Variants in LIMK2 observed in about 807,000 individuals in gnomAD.
LIMK2 encodes the protein LIM domain kinase 2.
Under a neutral mutation model 75.7 loss-of-function variants are expected in LIMK2, and 35 were observed. The observed-to-expected ratio is 0.46, with a 90% CI of 0.35 to 0.61. LIMK2 has a LOEUF of 0.61. Ranked by LOEUF, LIMK2 falls within the 20% of genes least tolerant of loss-of-function variation. The probability of loss-of-function intolerance (pLI) is 0.00; values close to 1 mark genes in which losing one functional copy is unlikely to be tolerated. For synonymous variants in LIMK2, 301 were observed against 319.2 expected (o/e 0.94, Z 0.61); for missense variants, 623 against 831.0 (o/e 0.75, Z 3.08).
intron 7 of LIMK2, among the ~76,000 whole-genome samples, chr22:31,263,257 T>C (rs570898522): frequency 1.3e-5 from 2 of 152,284 alleles, no homozygotes; most frequent in East Asian, 3.9e-4. Flanking sequence ...AAGGAGAAGT[T>C]GCCTTGAGTG....
Position 31,279,669 on chromosome 22 carries a change from G to C in LIMK2, c.*1228G>C, listed in dbSNP as rs998556005. The stretch of plus-strand genomic sequence containing the variant: ...GGAACTCTTCATCACAACTAGATTT[G>C]CCTCTTCTAAGTGTCTATGAGCTTG... On this transcript the variant is annotated 3_prime_UTR_variant, in exon 16 of 16. Coordinates refer to ENST00000331728, the MANE Select transcript of LIMK2 (RefSeq NM_005569.4). 2 of 152,180 alleles carry C rather than the reference G, an allele frequency of 1.3e-5. No individual in the cohort carries two copies. Among genetic ancestry groups the C allele is most frequent in the Non-Finnish European group, 2.9e-5 (2 of 68,046 alleles). The allele number at this position is 152,180 out of a possible 1,614,324, so 9.4% of individuals were successfully genotyped here.
intron 15 of LIMK2, chr22:31,277,519 C>A: frequency 9.8e-7 from 1 of 1,023,248 alleles, no homozygotes; most frequent in Non-Finnish European, 1.2e-6. Flanking sequence ...GACCGCAGTC[C>A]TTCAGTAACA....
intron 2 of LIMK2, among the ~76,000 whole-genome samples, chr22:31,238,287 T>C (rs2048596818): frequency 1.3e-5 from 2 of 152,184 alleles, no homozygotes; most frequent in African/African-American, 4.8e-5. Context: ...TTTGGCTGAC[T>C]CACCACTGCC....
At position 31,275,198 on chromosome 22, in the gene LIMK2, G is replaced by A. The variant is rs1320770587; in HGVS notation, c.1662G>A (p.Leu554=). 4 of 1,614,132 alleles carry A rather than the reference G, an allele frequency of 2.5e-6. No homozygotes were observed. Among genetic ancestry groups the A allele is most frequent in the Non-Finnish European group, 3.4e-6 (4 of 1,180,020 alleles). ...YADPDCLPRT[L]DFGLNVKLFW... ...ATCCTGACTGCCTTCCCCGAACACT[G>A]GACTTTGGCCTCAACGTGAAGCTTT... Residue 554 remains leucine, a synonymous_variant, in exon 15 of 16, where the codon CTG becomes CTA. Transcript: ENST00000331728.
At chr22:31,277,495 C>T (rs1174340968) in intron 15 of LIMK2, 1 of 1,061,520 alleles carries the variant, frequency 9.4e-7, no homozygotes, top group Non-Finnish European at 1.1e-6. Context: ...TACCTTGTTC[C>T]TTTATAGGCC....
chr22:31,226,802 G>T lies in LIMK2; in HGVS notation c.116+983G>T, dbSNP rs182096354. 6.0e-3 allele frequency among the ~76,000 whole-genome samples: 908 copies of T among 152,220 alleles called. 11 individuals carry two copies. Among genetic ancestry groups the T allele is most frequent in the African/African-American group, 0.021 (855 of 41,520 alleles). On this transcript the variant is annotated intron_variant, in intron 2 of 15. Coordinates refer to ENST00000331728, the MANE Select transcript of LIMK2 (RefSeq NM_005569.4). ...TTTTTGTATTTTTAGTAGAGGCGGG[G>T]TTTCACCTTGTTGGCCAGGCTGGTC...
chr22:31,248,467 G>A (rs1214384637), intron 2 of LIMK2: 8 of 1,498,292 alleles, frequency 5.3e-6, no homozygotes, highest in East Asian at 5.4e-5. Flanking sequence ...CAGAGGGGCC[G>A]CCTGAGCTTC....
At position 31,248,048 on chromosome 22, in the gene LIMK2, CT is replaced by C. The variant is rs558208756; in HGVS notation, c.117-10230del. Among the ~76,000 whole-genome samples, 185 of 145,136 alleles carry C rather than the reference CT, an allele frequency of 1.3e-3. 1 individual carries two copies. Among genetic ancestry groups the C allele is most frequent in the Middle Eastern group, 3.6e-3 (1 of 280 alleles). ...CTCTTCCTGGACCTGGCATCCTCTG[CT>C]TTTTTTTTTTTTCCACCTCCAAGCA... On this transcript the variant is annotated intron_variant, in intron 2 of 15. Transcript: ENST00000331728.
intron 2 of LIMK2, among the ~76,000 whole-genome samples, chr22:31,235,464 C>A (rs914308788): frequency 1.3e-5 from 2 of 152,132 alleles, no homozygotes; most frequent in African/African-American, 4.8e-5. Flanking sequence ...CCCAGGAGTC[C>A]TTCTTTCCAG....
chr22:31,258,531 G>C, intron 3 of LIMK2, 105 bp downstream of exon 3: 1 of 1,152,992 alleles, frequency 8.7e-7, no homozygotes, highest in Non-Finnish European at 1.2e-6. Flanking sequence ...CATCAGCCAG[G>C]GCATCTCCCT....
intron 13 of LIMK2, chr22:31,273,181 G>C (rs986311656): frequency 3.4e-6 from 1 of 295,148 alleles, no homozygotes; most frequent in African/African-American, 2.3e-5. Context: ...CCTAATGGCA[G>C]AGGCTAGATG....
Position 31,258,288 on chromosome 22 carries a change from C to T in LIMK2, c.117-3C>T, listed in dbSNP as rs979561000. On this transcript the variant is annotated splice_polypyrimidine_tract_variant and splice_region_variant and intron_variant, in intron 2 of 15. Coordinates refer to ENST00000331728, the MANE Select transcript of LIMK2 (RefSeq NM_005569.4). ...GAATTTCAGTTCTTGTCTTGCCTTTCAGGTGTTCAGAATGCCAGGATTCCC... is the reference window on the plus strand; with the variant it reads ...GAATTTCAGTTCTTGTCTTGCCTTTTAGGTGTTCAGAATGCCAGGATTCCC... The T allele has an allele frequency of 7.5e-6, 12 of 1,598,674 alleles. No individual in the cohort carries two copies. In the African/African-American group the frequency reaches 1.3e-4, roughly 18 times the overall value.
At chr22:31,246,193 A>G (rs922541738) in intron 2 of LIMK2, among the ~76,000 whole-genome samples, 1 of 150,112 alleles carries the variant, frequency 6.7e-6, no homozygotes, top group South Asian at 2.1e-4. Flanking sequence ...GCACACACAC[A>G]CACACACACA....
chr22:31,272,095 C>G (rs189966572), intron 12 of LIMK2, among the ~76,000 whole-genome samples: 31 of 152,268 alleles, frequency 2.0e-4, no homozygotes, highest in Admixed American at 1.8e-3. Flanking sequence ...GAGTCTCATT[C>G]TGTTTCCCAG....
At chr22:31,221,258 T>G (rs1774154062) in intron 1 of LIMK2, among the ~76,000 whole-genome samples, 1 of 152,132 alleles carries the variant, frequency 6.6e-6, no homozygotes. Flanking sequence ...AAGCCAACTT[T>G]AATGATGTGT....
At chr22:31,239,665 A>T (rs1050317015) in intron 2 of LIMK2, among the ~76,000 whole-genome samples, 2 of 151,830 alleles carry the variant, frequency 1.3e-5, no homozygotes, top group African/African-American at 4.8e-5. Context: ...AGTTATATCC[A>T]TTTCAGTATT....
At chr22:31,247,039 GAAT>G (rs1181704281) in intron 2 of LIMK2, among the ~76,000 whole-genome samples, 3 of 152,186 alleles carry the variant, frequency 2.0e-5, no homozygotes. Context: ...CCAGTTGGTG[GAAT>G]GGGAAAAGGC....
chr22:31,223,020 C>T (rs1199277275), intron 1 of LIMK2, among the ~76,000 whole-genome samples: 1 of 152,068 alleles, frequency 6.6e-6, no homozygotes, highest in Non-Finnish European at 1.5e-5. Context: ...GCCTTTGTTC[C>T]GTGGACACTG....
chr22:31,224,304 C>T (rs1377264181), intron 1 of LIMK2, among the ~76,000 whole-genome samples: 1 of 152,242 alleles, frequency 6.6e-6, no homozygotes, highest in Non-Finnish European at 1.5e-5. Context: ...CACAACCCTT[C>T]ACCCTCCTTT....
Sources: gnomAD v4.1 joint callset for allele counts (sites outside exome capture counted in the v4.1 genomes callset) on GRCh38, gnomAD v4.1.1 for gene constraint, MANE v1.5 for transcripts, NCBI Gene and HGNC (gene_info 2026-07-23, HGNC 2026-07-21) for gene names.